The following CCNL1 variants were observed in gnomAD, a reference collection of about 807,000 sequenced individuals.
CCNL1 encodes the protein cyclin-L1.
In CCNL1, 13 loss-of-function variants were observed where a neutral mutation model predicts 60.6. That is an observed-to-expected ratio of 0.21 (90% confidence interval 0.14 to 0.34). CCNL1 has a LOEUF of 0.34. CCNL1 is among the 10% of genes least tolerant of loss of function. CCNL1 has a pLI of 1.00. For missense variants in CCNL1, 481 were observed against 664.3 expected (o/e 0.72, Z 3.03); for synonymous variants, 270 against 244.3 (o/e 1.10, Z -0.98).
At chr3:157,159,131 T>C in intron 2 of CCNL1, 156 bp from the exon 3 acceptor site, 1 of 633,554 alleles carries the variant, frequency 1.6e-6, no homozygotes. Context: ...CTTTTTGTTG[T>C]TTAACTCATC....
rs759768075 is a variant in CCNL1 at position 157,160,002 on chromosome 3, G to C, written c.93C>G (p.Thr31=). 10 of 1,575,562 alleles carry C rather than the reference G, an allele frequency of 6.3e-6. No individual in the cohort carries two copies. Among genetic ancestry groups the C allele is most frequent in the Non-Finnish European group, 2.6e-6 (3 of 1,160,972 alleles). The change falls in exon 1 of 11, where the codon ACC becomes ACG. Residue 31 remains threonine, a synonymous_variant. Transcript: ENST00000295926. ...SAGGSSSGTT[T]TTTTTTGGIL... is the part of the protein sequence containing the mutation. Reference sequence around the variant, plus strand: ...TCCCTCCCGTCGTGGTCGTCGTCGTGGTCGTCGTCCCGGAGCTGGAGCCGC... The same window carrying C: ...TCCCTCCCGTCGTGGTCGTCGTCGTCGTCGTCGTCCCGGAGCTGGAGCCGC...
chr3:157,158,198 A>T (rs1442420803), intron 3 of CCNL1, among the ~76,000 whole-genome samples: 4 of 152,350 alleles, frequency 2.6e-5, no homozygotes, highest in Non-Finnish European at 4.4e-5. Flanking sequence ...TTTTCTTACA[A>T]CATCAAATAA....
At chr3:157,152,968 C>T in intron 4 of CCNL1, 68 bp downstream of exon 4, 1 of 1,578,366 alleles carries the variant, frequency 6.3e-7, no homozygotes, top group Non-Finnish European at 8.6e-7. Flanking sequence ...AACATAAATT[C>T]ATATAAAATA....
intron 1 of CCNL1, 33 bp from the exon 2 acceptor site, chr3:157,159,512 G>C (rs765302192): frequency 1.3e-6 from 2 of 1,588,394 alleles, no homozygotes. Context: ...GAAGCGCAGG[G>C]GTCAGGCGGG....
At chr3:157,145,058 T>A (rs1737739593), downstream of CCNL1, among the ~76,000 whole-genome samples, 1 of 152,186 alleles carries the variant, frequency 6.6e-6, no homozygotes, top group African/African-American at 2.4e-5. Context: ...GGAACATGGT[T>A]AAGAATTTCA....
intron 4 of CCNL1, 120 bp from the exon 5 acceptor site, chr3:157,152,361 G>C (rs899648984): frequency 6.9e-7 from 1 of 1,453,284 alleles, no homozygotes; most frequent in Non-Finnish European, 9.1e-7. Flanking sequence ...CGATAATACA[G>C]ACCAATTTAA....
chr3:157,151,260 G>A, intron 5 of CCNL1: 1 of 985,458 alleles, frequency 1.0e-6, no homozygotes, highest in East Asian at 1.1e-4. Context: ...ACATCTTGCT[G>A]GGAAGCCCAG....
intron 5 of CCNL1, 31 bp downstream of exon 5, chr3:157,152,146 G>C (rs1055660764): frequency 1.0e-5 from 16 of 1,603,908 alleles, no homozygotes; most frequent in Non-Finnish European, 1.4e-5. Context: ...TGTTTTCCTG[G>C]CTAGGAAAGA....
chr3:157,159,320 C>A, intron 2 of CCNL1, 85 bp downstream of exon 2: 1 of 1,284,278 alleles, frequency 7.8e-7, no homozygotes. Context: ...CACTCCCTTT[C>A]TGGAAAAGCT....
chr3:157,144,226 G>A (rs189905484), downstream of CCNL1, among the ~76,000 whole-genome samples: 4 of 152,278 alleles, frequency 2.6e-5, no homozygotes, highest in East Asian at 3.9e-4. Flanking sequence ...TTTCTATAAG[G>A]TACATACATT....
downstream of CCNL1, among the ~76,000 whole-genome samples, chr3:157,143,734 G>A (rs1737707000): frequency 1.3e-5 from 2 of 152,140 alleles, no homozygotes; most frequent in Non-Finnish European, 2.9e-5. Flanking sequence ...CTCTGGAGAG[G>A]ACTGCAGAGT....
At chr3:157,156,191 C>G (rs1168188329) in intron 3 of CCNL1, among the ~76,000 whole-genome samples, 3 of 152,182 alleles carry the variant, frequency 2.0e-5, no homozygotes, top group Non-Finnish European at 2.9e-5. Context: ...TACAAAGAGG[C>G]ATACTGCCAA....
chr3:157,155,928 T>A (rs540790665), intron 3 of CCNL1, among the ~76,000 whole-genome samples: 1 of 152,366 alleles, frequency 6.6e-6, no homozygotes, highest in African/African-American at 2.4e-5. Flanking sequence ...GCTTTAAGTT[T>A]CTATTGTCCA....
intron 3 of CCNL1, among the ~76,000 whole-genome samples, chr3:157,155,398 A>C (rs1016268015): frequency 1.4e-4 from 22 of 152,194 alleles, no homozygotes; most frequent in Non-Finnish European, 1.5e-5. Flanking sequence ...ATCAGACTTA[A>C]TGATGCCATT....
At position 157,157,391 on chromosome 3, in the gene CCNL1, A is replaced by G. The variant is rs1212836831; in HGVS notation, c.488+1475T>C. Among the ~76,000 whole-genome samples, 11 of 114,950 alleles carry G rather than the reference A, an allele frequency of 9.6e-5. No individual in the cohort carries two copies. In the Admixed American group the frequency reaches 1.2e-3, roughly 12 times the overall value. 75.4% of individuals were successfully genotyped at this position (114,950 alleles called of 152,430 possible). A position where few individuals can be genotyped will look rare whatever the true frequency, so the allele number is the denominator to read the frequency against. On this transcript the variant is annotated intron_variant, in intron 3 of 10. Coordinates refer to ENST00000295926, the MANE Select transcript of CCNL1 (RefSeq NM_020307.4). ...ACCTATTCTAACATCAACGAAGTAA[A>G]CTAGTCTCACAGGAAAATTCCACAG...
intron 5 of CCNL1, chr3:157,151,546 A>G: frequency 1.2e-5 from 12 of 985,960 alleles, no homozygotes; most frequent in Non-Finnish European, 1.3e-5. Context: ...GCCCATTTTA[A>G]GCTGCAAGTT....
chr3:157,152,708 T>C (rs1738287715), intron 4 of CCNL1: 1 of 1,127,342 alleles, frequency 8.9e-7, no homozygotes, highest in East Asian at 7.3e-5. Context: ...GCCAGATACT[T>C]TTGTAGCTAC....
At chr3:157,145,437 C>CAAAAAAAAAA (rs56894231), downstream of CCNL1, among the ~76,000 whole-genome samples, 10 of 24,266 alleles carry the variant, frequency 4.1e-4, no homozygotes, top group Admixed American at 7.9e-4. Flanking sequence ...GACTTCATCT[C>CAAAAAAAAAA]AAAAAAAAAA....
chr3:157,160,019 T>C lies in CCNL1; in HGVS notation c.76A>G (p.Ser26Gly). ...SSAAPSAGGS[S>G]SGTTTTTTTT... ...GTCGTCGTGGTCGTCGTCCCGGAGC[T>C]GGAGCCGCCCGCGCTTGGGGCGGCC... Residue 26 changes from serine to glycine, a missense_variant, in exon 1 of 11, where the codon AGC becomes GGC. This residue lies in a region of CCNL1 where 65 missense variants were observed against 57.5 expected (regional missense o/e 1.13). Transcript: ENST00000295926. The C allele has an allele frequency of 6.4e-7, 1 of 1,570,158 alleles. No individual in the cohort carries two copies. Among genetic ancestry groups the C allele is most frequent in the African/African-American group, 1.4e-5 (1 of 74,012 alleles).
Sources: gnomAD v4.1 joint callset for allele counts (sites outside exome capture counted in the v4.1 genomes callset) on GRCh38, gnomAD v4.1.1 for gene constraint, gnomAD v4.1.1 regional missense constraint, MANE v1.5 for transcripts, NCBI Gene and HGNC (gene_info 2026-07-23, HGNC 2026-07-21) for gene names.